LINGO1: variants seen among roughly 807,000 people sequenced by gnomAD.
The protein encoded by LINGO1 is leucine rich repeat and Ig domain containing 1.
LINGO1 carries 11 observed loss-of-function variants against 37.3 expected under a neutral mutation model. That is an observed-to-expected ratio of 0.29 (90% CI 0.19 to 0.49). The LOEUF (loss-of-function observed/expected upper bound fraction) is 0.49, where lower values mean the gene tolerates loss of function less well. Among genes scored for constraint, LINGO1 ranks in the 20% least tolerant of loss-of-function variants. The pLI is 0.99. For synonymous variants in LINGO1, 387 were observed against 403.0 expected, an observed-to-expected ratio of 0.96 and a Z score of 0.48; for missense variants, 585 against 878.2, an observed-to-expected ratio of 0.67 and a Z score of 4.22.
At chr15:77,711,234 G>A (rs2075914548) in intron 2 of LINGO1, among the ~76,000 whole-genome samples, 1 of 152,142 alleles carries the variant, frequency 6.6e-6, no homozygotes, top group South Asian at 2.1e-4. Flanking sequence ...TTGAACAATT[G>A]CTTCTTGCCC....
chr15:77,638,295 C>A (rs750443809), upstream of LINGO1, among the ~76,000 whole-genome samples: 1 of 152,198 alleles, frequency 6.6e-6, no homozygotes, highest in African/African-American at 2.4e-5. Flanking sequence ...AAGTTCCCCC[C>A]AGGAAAACAC....
chr15:77,800,226 G>A (rs2076906423), intron 1 of LINGO1, among the ~76,000 whole-genome samples: 1 of 152,218 alleles, frequency 6.6e-6, no homozygotes, highest in Non-Finnish European at 1.5e-5. Flanking sequence ...CTGGCAGGTG[G>A]AGGGCAAGGG....
At chr15:77,775,380 C>T (rs990776285) in intron 1 of LINGO1, among the ~76,000 whole-genome samples, 3 of 152,208 alleles carry the variant, frequency 2.0e-5, no homozygotes, top group African/African-American at 7.2e-5. Flanking sequence ...GCAAGTGCAG[C>T]CCCTGAGCCT....
chr15:77,679,196 C>T (rs540118467), intron 2 of LINGO1, among the ~76,000 whole-genome samples: 2 of 152,156 alleles, frequency 1.3e-5, no homozygotes, highest in African/African-American at 2.4e-5. Context: ...CCACCGCGCT[C>T]GGCCTGCATT....
chr15:77,737,843 G>A (rs1365269061), intron 1 of LINGO1, among the ~76,000 whole-genome samples: 1 of 151,332 alleles, frequency 6.6e-6, no homozygotes, highest in Non-Finnish European at 1.5e-5. Context: ...CCAAGCATCC[G>A]AGGCCCCAGG....
rs770941732 is a variant in LINGO1, at chr15:77,717,785, G to A, written c.-195+17207C>T. 4.0e-5 allele frequency among the ~76,000 whole-genome samples: 6 copies of A among 150,724 alleles called. 1 individual carries two copies. In the East Asian group the frequency reaches 6.3e-4, roughly 16 times the overall value. On this transcript the variant is annotated intron_variant, in intron 2 of 3. Transcript: ENST00000561686. ...GTGCAGCGGAGGCCCTGCTCAGCAC[G>A]GCTCAGACCCCATTGGATACCTACA...
intron 1 of LINGO1, among the ~76,000 whole-genome samples, chr15:77,695,223 C>A (rs1312098854): frequency 1.3e-5 from 2 of 152,180 alleles, no homozygotes; most frequent in Non-Finnish European, 2.9e-5. Context: ...CTGTCCCCTG[C>A]TCCCTGCTGC....
chr15:77,665,910 C>G (rs950701999), intron 3 of LINGO1, among the ~76,000 whole-genome samples: 2 of 152,232 alleles, frequency 1.3e-5, no homozygotes, highest in African/African-American at 2.4e-5. Context: ...CTCTCTCCCC[C>G]ATCCCAGCCA....
chr15:77,772,142 G>C (rs892545555), intron 1 of LINGO1, among the ~76,000 whole-genome samples: 2 of 152,136 alleles, frequency 1.3e-5, no homozygotes, highest in African/African-American at 4.8e-5. Flanking sequence ...GGTGCTCCAG[G>C]GCCAAGGCTG....
chr15:77,781,412 C>T (rs1045795730), intron 1 of LINGO1, among the ~76,000 whole-genome samples: 22 of 152,218 alleles, frequency 1.4e-4, no homozygotes. Context: ...ATCAGGAATG[C>T]AGTGAGAAGC....
chr15:77,717,595 T>G (rs1291809453), intron 2 of LINGO1, among the ~76,000 whole-genome samples: 1 of 150,464 alleles, frequency 6.6e-6, no homozygotes, highest in Admixed American at 6.6e-5. Flanking sequence ...GCCCCGATAG[T>G]TGGGGAGGAA....
In LINGO1 at chr15:77,755,507, C is replaced by T. The variant is rs183242249; in HGVS notation, c.-256-20454G>A. Among the ~76,000 whole-genome samples the T allele has an allele frequency of 1.6e-3, 250 of 152,310 alleles. 1 individual carries two copies. The highest frequency in any genetic ancestry group is 5.8e-3 in the African/African-American group (240 of 41,562). On this transcript the variant is annotated intron_variant, in intron 1 of 3. Coordinates refer to the LINGO1 transcript ENST00000561686. ...GAGCAGGCCACTACCTCCCTGACCCCGCATTTCTTTATCTGTAAAATGAAA... is the reference window on the plus strand; with the variant it reads ...GAGCAGGCCACTACCTCCCTGACCCTGCATTTCTTTATCTGTAAAATGAAA...
chr15:77,659,079 A>T (rs1250377568), intron 3 of LINGO1, among the ~76,000 whole-genome samples: 1 of 152,194 alleles, frequency 6.6e-6, no homozygotes, highest in Non-Finnish European at 1.5e-5. Flanking sequence ...TGCCTGGAGA[A>T]GCTGGCTGGG....
chr15:77,759,612 C>T (rs769858165), intron 1 of LINGO1, among the ~76,000 whole-genome samples: 1 of 152,232 alleles, frequency 6.6e-6, no homozygotes, highest in Non-Finnish European at 1.5e-5. Flanking sequence ...ATGCCCCTTC[C>T]CCTAACTTCA....
In LINGO1 at chr15:77,785,809, T is replaced by C. The variant is rs79294291; in HGVS notation, c.-257+1060A>G. On this transcript the variant is annotated intron_variant, in intron 1 of 3. Transcript: ENST00000561686. ...CCCTCCCTGACTTCCCCAGCTTTTA[T>C]CTCCTTCCCTTTCCTGAGGCTCACA... Among the ~76,000 whole-genome samples the C allele has an allele frequency of 5.4e-3, 829 of 152,292 alleles. 7 individuals carry two copies. The highest frequency in any genetic ancestry group is 0.019 in the African/African-American group (787 of 41,552).
intron 1 of LINGO1, among the ~76,000 whole-genome samples, chr15:77,799,741 C>T (rs938654805): frequency 1.3e-5 from 2 of 152,208 alleles, no homozygotes; most frequent in Non-Finnish European, 2.9e-5. Context: ...GAACACAAGT[C>T]CCTATCTCTG....
chr15:77,781,105 ATTTC>A (rs1388619242), intron 1 of LINGO1, among the ~76,000 whole-genome samples: 1 of 152,226 alleles, frequency 6.6e-6, no homozygotes, highest in Non-Finnish European at 1.5e-5. Flanking sequence ...ATCCTCAGTG[ATTTC>A]TTTGAGATTT....
intron 1 of LINGO1, among the ~76,000 whole-genome samples, chr15:77,741,971 G>C (rs369605906): frequency 1.1e-4 from 16 of 152,214 alleles, no homozygotes; most frequent in East Asian, 1.9e-4. Context: ...AAAGGCAGAG[G>C]GGGGGTTGGG....
intron 3 of LINGO1, among the ~76,000 whole-genome samples, chr15:77,642,298 G>C (rs752412733): frequency 1.3e-5 from 2 of 152,218 alleles, no homozygotes; most frequent in Non-Finnish European, 2.9e-5. Flanking sequence ...CCATGCATGG[G>C]GGACCCCCAC....
Sources: gnomAD v4.1 joint callset for allele counts (sites outside exome capture counted in the v4.1 genomes callset) on GRCh38, gnomAD v4.1.1 for gene constraint, MANE v1.5 for transcripts, NCBI Gene and HGNC (gene_info 2026-07-23, HGNC 2026-07-21) for gene names.